The following ZNF19 variants were observed in gnomAD, a reference collection of about 807,000 sequenced individuals.
ZNF19 encodes zinc finger protein 19 (KOX 12).
Under a neutral mutation model 13.1 loss-of-function variants are expected in ZNF19, and 11 were observed. The observed-to-expected ratio is 0.84, with a 90% CI of 0.53 to 1.39. The LOEUF (loss-of-function observed/expected upper bound fraction) is 1.39. Ranked by LOEUF, ZNF19 falls within the 40% of genes most tolerant of loss-of-function variation. The pLI is 0.00. For synonymous variants in ZNF19, 186 were observed against 187.0 expected, an observed-to-expected ratio of 0.99 and a Z score of 0.04; for missense variants, 560 against 547.0, an observed-to-expected ratio of 1.02 and a Z score of -0.24.
intron 3 of ZNF19, 72 bp downstream of exon 3, chr16:71,482,010 A>C: frequency 1.3e-6 from 2 of 1,557,444 alleles, no homozygotes; most frequent in Non-Finnish European, 1.8e-6. Flanking sequence ...GACTTGCCAG[A>C]ATCACCTTTA....
intron 2 of ZNF19, among the ~76,000 whole-genome samples, chr16:71,483,519 AC>A (rs997223793): frequency 1.4e-4 from 22 of 152,162 alleles, no homozygotes; most frequent in African/African-American, 4.8e-4. Context: ...CAATCTCAGA[AC>A]CATTACAACT....
At chr16:71,477,027 G>A (rs1567569559) in intron 5 of ZNF19, among the ~76,000 whole-genome samples, 1 of 152,148 alleles carries the variant, frequency 6.6e-6, no homozygotes, top group Admixed American at 6.5e-5. Context: ...TCAGCAAAAA[G>A]GAGACAAACA....
In ZNF19 at chr16:71,478,225, T is replaced by C. The variant is rs2043614329; in HGVS notation, c.274+3A>G. 1 of 1,610,298 alleles carries C rather than the reference T, an allele frequency of 6.2e-7. No individual in the cohort carries two copies. Among genetic ancestry groups the C allele is most frequent in the African/African-American group, 1.3e-5 (1 of 74,868 alleles). ...TTGTTGGTTCTAAATCTGCCTCACC[T>C]ACCTTTACAGACGTTTTTGGTCCTC... On this transcript the variant is annotated splice_donor_region_variant and intron_variant, in intron 5 of 5. Transcript: ENST00000288177.
chr16:71,475,300 C>G lies in ZNF19; in HGVS notation c.1247G>C (p.Ser416Thr). 1 of 1,614,170 alleles carries G rather than the reference C, an allele frequency of 6.2e-7. No homozygotes were observed. The highest frequency in any genetic ancestry group is 8.5e-7 in the Non-Finnish European group (1 of 1,179,992). The change falls in exon 6 of 6, where the codon AGC (serine) becomes ACC (threonine). Residue 416 changes from serine (S) to threonine (T), a missense_variant. Ser to Thr is a moderately conservative substitution (Grantham distance 58). Transcript: ENST00000288177. ...AGTCCCAAAGGCCTTCTCATACTTG[C>G]TACACTCATAGGGTTTCTCTCCAGT... ...IHTGEKPYEC[S>T]KYEKAFGTSS... is the part of the protein sequence containing the mutation.
At chr16:71,488,670 G>C (rs1028538574) in intron 1 of ZNF19, among the ~76,000 whole-genome samples, 1 of 152,056 alleles carries the variant, frequency 6.6e-6, no homozygotes, top group African/African-American at 2.4e-5. Context: ...GTGGTGGCAG[G>C]CACCTGTAAT....
chr16:71,478,204 T>G (rs779936198), intron 5 of ZNF19, 24 bp downstream of exon 5: 1 of 1,522,610 alleles, frequency 6.6e-7, no homozygotes, highest in East Asian at 2.2e-5. Context: ...CTACAATTGT[T>G]GGTTCTAAAT....
Position 71,475,369 on chromosome 16 carries a change from G to A in ZNF19, c.1178C>T (p.Ala393Val). ...ATGAAGATTTCTTTTGCTAGTCAAG[G>A]CTTTTCCACACTCATCACATACATA... is the stretch of plus-strand genomic sequence containing the variant. ...SSYVCDECGKALTSKRNLHQH... is the reference protein window; with the variant it reads ...SSYVCDECGKVLTSKRNLHQH... The change falls in exon 6 of 6, where the codon GCC (alanine) becomes GTC (valine). Residue 393 changes from alanine (A) to valine (V), a missense_variant. By Grantham distance (64) the Ala-to-Val change is moderately conservative (BLOSUM62 0). Coordinates refer to ENST00000288177, the MANE Select transcript of ZNF19 (RefSeq NM_006961.4). 6.2e-7 allele frequency: 1 copy of A among 1,613,980 alleles called. No individual in the cohort carries two copies. The highest frequency in any genetic ancestry group is 8.5e-7 in the Non-Finnish European group (1 of 1,180,002).
chr16:71,484,321 T>A (rs910337890), intron 2 of ZNF19, among the ~76,000 whole-genome samples: 1 of 152,206 alleles, frequency 6.6e-6, no homozygotes, highest in Admixed American at 6.5e-5. Context: ...CAGATGGGGT[T>A]TGGGCGGCGT....
chr16:71,488,479 A>G (rs899294484), intron 1 of ZNF19, among the ~76,000 whole-genome samples: 3 of 152,106 alleles, frequency 2.0e-5, no homozygotes, highest in African/African-American at 7.2e-5. Flanking sequence ...GTCCCAAAGA[A>G]TCTACAAAAC....
chr16:71,478,328 G>C lies in ZNF19; in HGVS notation c.174C>G (p.Pro58=). The change falls in exon 5 of 6, where the codon CCC becomes CCG. Residue 58 remains proline, a synonymous_variant. Transcript: ENST00000288177. The part of the protein sequence containing the change: ...GNLTALGYPV[P]KPALISLLER... Reference sequence around the variant, plus strand: ...CCAAAAGTGAGATCAGTGCAGGTTTGGGAACTGGGTACCCTGAAAACAGGA... The same window carrying C: ...CCAAAAGTGAGATCAGTGCAGGTTTCGGAACTGGGTACCCTGAAAACAGGA... 1 of 1,613,406 alleles carries C rather than the reference G, an allele frequency of 6.2e-7. No homozygotes were observed. Among genetic ancestry groups the C allele is most frequent in the Non-Finnish European group, 8.5e-7 (1 of 1,179,544 alleles).
At chr16:71,489,219 G>C (rs773658911) in intron 1 of ZNF19, 53 bp downstream of exon 1, 71 of 981,076 alleles carry the variant, frequency 7.2e-5, no homozygotes, top group Non-Finnish European at 8.4e-5. Flanking sequence ...CTGCTATGCT[G>C]TCTCACTCCC....
At chr16:71,477,854 C>G (rs1381719285) in intron 5 of ZNF19, 3 of 175,434 alleles carry the variant, frequency 1.7e-5, no homozygotes, top group South Asian at 2.7e-4. Context: ...CCACTCCCAA[C>G]AGCACTTAAT....
chr16:71,486,667 C>T (rs2145174285), intron 1 of ZNF19, among the ~76,000 whole-genome samples: 1 of 152,272 alleles, frequency 6.6e-6, no homozygotes, highest in Non-Finnish European at 1.5e-5. Context: ...TTGTTTTACG[C>T]CACTACTCAT....
rs183285230 is a variant in ZNF19, at chr16:71,474,451, A to G, written c.*719T>C. On this transcript the variant is annotated 3_prime_UTR_variant, in exon 6 of 6. Coordinates refer to ENST00000288177, the MANE Select transcript of ZNF19 (RefSeq NM_006961.4). ...TGAGAATGGATTCACTGGTGCAGAC[A>G]TAATTTTGTAGTACAATGAGATTTT... 3.3e-5 allele frequency: 5 copies of G among 152,332 alleles called. No individual in the cohort carries two copies. Among genetic ancestry groups the G allele is most frequent in the African/African-American group, 7.2e-5 (3 of 41,582 alleles). 9.4% of individuals were successfully genotyped at this position (152,332 alleles called of 1,614,324 possible).
intron 2 of ZNF19, among the ~76,000 whole-genome samples, chr16:71,482,744 T>G (rs969877639): frequency 2.0e-5 from 3 of 152,162 alleles, no homozygotes; most frequent in Non-Finnish European, 2.9e-5. Flanking sequence ...CACTGTCACC[T>G]GGGCTGGAGT....
chr16:71,484,125 C>T (rs1365380129), intron 2 of ZNF19, among the ~76,000 whole-genome samples: 1 of 152,228 alleles, frequency 6.6e-6, no homozygotes, highest in Non-Finnish European at 1.5e-5. Context: ...GGTCTTCGAT[C>T]TACGTGCACT....
chr16:71,487,909 A>G (rs534502790), intron 1 of ZNF19, among the ~76,000 whole-genome samples: 5 of 152,194 alleles, frequency 3.3e-5, no homozygotes, highest in Non-Finnish European at 7.3e-5. Context: ...ATATAATTCA[A>G]TATTATTCTC....
At chr16:71,480,592 A>G (rs1171082581) in intron 3 of ZNF19, among the ~76,000 whole-genome samples, 1 of 152,214 alleles carries the variant, frequency 6.6e-6, no homozygotes, top group Non-Finnish European at 1.5e-5. Context: ...ACTGTGGTAC[A>G]ATCAGTAAAC....
At chr16:71,476,360 G>A (rs763794840) in intron 5 of ZNF19, 88 bp from the exon 6 acceptor site, 55 of 1,397,758 alleles carry the variant, frequency 3.9e-5, no homozygotes, top group Non-Finnish European at 5.2e-5. Flanking sequence ...GGCTTTAAAA[G>A]AGATCATTTC....
Sources: allele counts gnomAD v4.1 joint callset (sites outside exome capture counted in the v4.1 genomes callset), GRCh38; gene constraint gnomAD v4.1.1; transcripts MANE v1.5; gene names NCBI Gene and HGNC (gene_info 2026-07-23, HGNC 2026-07-21).